Variants in MOCOS observed in about 807,000 individuals in gnomAD.
MOCOS encodes the protein human molybdenum cofactor sulfurase.
A neutral mutation model predicts 83.6 loss-of-function variants in MOCOS; 86 were observed. That is an observed-to-expected ratio of 1.03 (90% CI 0.86 to 1.23). The LOEUF is 1.23. Among genes scored for constraint, MOCOS ranks in the 50% most tolerant of loss-of-function variants. The pLI is 0.00. For synonymous variants in MOCOS, 445 were observed against 434.7 expected, an observed-to-expected ratio of 1.02 and a Z score of -0.29; for missense variants, 1,120 against 1,126.9, an observed-to-expected ratio of 0.99 and a Z score of 0.09.
chr18:36,219,887 T>G (rs1415843140), intron 8 of MOCOS, among the ~76,000 whole-genome samples, 168 bp from the exon 9 acceptor site: 2 of 152,200 alleles, frequency 1.3e-5, no homozygotes, highest in African/African-American at 4.8e-5. Flanking sequence ...TACATCATCT[T>G]CTTTGCACTG....
chr18:36,257,067 A>C lies in MOCOS; in HGVS notation c.2264A>C (p.Asn755Thr), dbSNP rs1271005105. 6.2e-7 allele frequency: 1 copy of C among 1,613,108 alleles called. No homozygotes were observed. The highest frequency in any genetic ancestry group is 8.5e-7 in the Non-Finnish European group (1 of 1,179,070). ...SSILELHRQL[N>T]TSDENGKEEL... ...ATTTTGGAACTTCACCGGCAACTAA[A>C]CACCAGGTAAGACCTCATACCTCGG... is the stretch of plus-strand genomic sequence containing the variant. The change falls in exon 12 of 15, where the codon AAC becomes ACC. Residue 755 changes from asparagine (N) to threonine (T), a missense_variant. By Grantham distance (65) the Asn-to-Thr change is moderately conservative (BLOSUM62 0). Coordinates refer to ENST00000261326, the MANE Select transcript of MOCOS (RefSeq NM_017947.4).
intron 6 of MOCOS, among the ~76,000 whole-genome samples, chr18:36,205,760 G>A (rs2091432428): frequency 6.6e-6 from 1 of 152,014 alleles, no homozygotes; most frequent in African/African-American, 2.4e-5. Flanking sequence ...ATTTTTTTGA[G>A]GTGGGGTCTC....
intron 9 of MOCOS, among the ~76,000 whole-genome samples, chr18:36,229,009 G>T (rs1173230429): frequency 2.6e-5 from 4 of 151,830 alleles, no homozygotes; most frequent in Non-Finnish European, 4.4e-5. Context: ...TAATACTTTT[G>T]TCTTTTGACT....
intron 12 of MOCOS, among the ~76,000 whole-genome samples, chr18:36,258,251 C>G (rs189115707): frequency 1.2e-3 from 188 of 152,264 alleles, no homozygotes; most frequent in Admixed American, 4.5e-3. Context: ...CGCTGGGCAG[C>G]TGATCCAAGA....
chr18:36,254,088 C>T (rs745476149), intron 11 of MOCOS, among the ~76,000 whole-genome samples: 3 of 152,210 alleles, frequency 2.0e-5, no homozygotes, highest in East Asian at 3.9e-4. Context: ...GCTCCCTGCA[C>T]GATGCAGAAT....
chr18:36,266,333 G>T (rs1323809220), intron 13 of MOCOS, among the ~76,000 whole-genome samples: 6 of 152,020 alleles, frequency 3.9e-5, no homozygotes, highest in Non-Finnish European at 8.8e-5. Context: ...ACAGGGTTTT[G>T]TCATGATGTC....
chr18:36,227,893 AACAG>A (rs1394814700), intron 9 of MOCOS, among the ~76,000 whole-genome samples: 20 of 152,342 alleles, frequency 1.3e-4, no homozygotes, highest in African/African-American at 4.6e-4. Flanking sequence ...CAACAGAGTA[AACAG>A]ACAGCCTATA....
chr18:36,194,314 C>T (rs2091378351), intron 1 of MOCOS, among the ~76,000 whole-genome samples: 1 of 152,164 alleles, frequency 6.6e-6, no homozygotes, highest in Non-Finnish European at 1.5e-5. Flanking sequence ...ACAACCCATT[C>T]TACACAAAAC....
intron 6 of MOCOS, among the ~76,000 whole-genome samples, chr18:36,213,022 G>A (rs1476011869): frequency 2.0e-5 from 3 of 152,188 alleles, no homozygotes; most frequent in Non-Finnish European, 2.9e-5. Context: ...TGATTAAACC[G>A]AAAGTTGGAG....
chr18:36,205,614 G>A (rs1052780024), intron 6 of MOCOS, among the ~76,000 whole-genome samples: 12 of 152,182 alleles, frequency 7.9e-5, no homozygotes, highest in Non-Finnish European at 7.3e-5. Context: ...GTTATCAGAC[G>A]GGGTGTCACA....
At chr18:36,200,570 C>A (rs1446007454) in intron 4 of MOCOS, among the ~76,000 whole-genome samples, 1 of 152,168 alleles carries the variant, frequency 6.6e-6, no homozygotes, top group Non-Finnish European at 1.5e-5. Context: ...GGACTGGGGC[C>A]TGCAGATAAG....
At chr18:36,216,516 C>A (rs890195311) in intron 8 of MOCOS, among the ~76,000 whole-genome samples, 1 of 152,056 alleles carries the variant, frequency 6.6e-6, no homozygotes, top group African/African-American at 2.4e-5. Context: ...ACACAGGAAT[C>A]CATGAGTCCA....
intron 6 of MOCOS, among the ~76,000 whole-genome samples, chr18:36,211,594 G>C (rs1052218296): frequency 6.6e-6 from 1 of 152,048 alleles, no homozygotes. Flanking sequence ...CCTGAATGCT[G>C]TGCTCATCCT....
At chr18:36,188,108 G>A (rs1339746483) in intron 1 of MOCOS, among the ~76,000 whole-genome samples, 3 of 152,192 alleles carry the variant, frequency 2.0e-5, no homozygotes, top group African/African-American at 7.2e-5. Flanking sequence ...CCCGGGCTGG[G>A]ACAGCACCTC....
chr18:36,265,808 A>T (rs892384972), intron 13 of MOCOS, among the ~76,000 whole-genome samples: 2 of 152,146 alleles, frequency 1.3e-5, no homozygotes, highest in African/African-American at 4.8e-5. Context: ...TACTTATTAC[A>T]GTTACAAAAA....
rs377353575 is a variant in MOCOS, at chr18:36,251,160, G to A, written c.2041G>A (p.Val681Ile). The change falls in exon 11 of 15, where the codon GTA (valine) becomes ATA (isoleucine). Residue 681 changes from valine (V) to isoleucine (I), a missense_variant and splice_region_variant. Physicochemically the swap from Val to Ile is conservative, Grantham distance 29 (BLOSUM62 3). Coordinates refer to ENST00000261326, the MANE Select transcript of MOCOS (RefSeq NM_017947.4). ...IRQSRVCADR[V>I]STYDCGEKIS... is the part of the protein sequence containing the mutation. ...CTCTTTCTCTCTCTCTTTTGCCAGA[G>A]TAAGTACTTATGATTGTGGAGAAAA... 1.2e-6 allele frequency: 2 copies of A among 1,612,596 alleles called. No individual in the cohort carries two copies. Among genetic ancestry groups the A allele is most frequent in the Non-Finnish European group, 1.7e-6 (2 of 1,178,784 alleles).
At chr18:36,223,393 T>A (rs1366418281) in intron 9 of MOCOS, among the ~76,000 whole-genome samples, 1 of 152,236 alleles carries the variant, frequency 6.6e-6, no homozygotes, top group Non-Finnish European at 1.5e-5. Flanking sequence ...AAAGATCATG[T>A]AACCATATAT....
intron 7 of MOCOS, among the ~76,000 whole-genome samples, chr18:36,213,843 C>T (rs1025671468): frequency 1.1e-4 from 17 of 150,840 alleles, no homozygotes; most frequent in South Asian, 4.2e-4. Flanking sequence ...GCAGGAGAAT[C>T]GTTTGAGCCC....
At chr18:36,225,142 CT>C (rs950334163) in intron 9 of MOCOS, among the ~76,000 whole-genome samples, 3 of 150,780 alleles carry the variant, frequency 2.0e-5, no homozygotes, top group South Asian at 2.1e-4. Flanking sequence ...TTTTTCTTTT[CT>C]TTTTTTTTGT....
Sources: allele counts gnomAD v4.1 joint callset (sites outside exome capture counted in the v4.1 genomes callset), GRCh38; gene constraint gnomAD v4.1.1; transcripts MANE v1.5; gene names NCBI Gene and HGNC (gene_info 2026-07-23, HGNC 2026-07-21).